Variants in RALGDS observed in about 807,000 individuals in gnomAD.
RALGDS encodes ral guanine nucleotide dissociation stimulator.
Under a neutral mutation model 99.8 loss-of-function variants are expected in RALGDS, and 44 were observed. That is an observed-to-expected ratio of 0.44 (90% CI 0.35 to 0.57). RALGDS has a LOEUF of 0.57. Ranked by LOEUF, RALGDS falls within the 20% of genes least tolerant of loss-of-function variation. The pLI is 0.01. For missense variants in RALGDS, 1,022 were observed against 1,203.1 expected (o/e 0.85, Z 2.23); for synonymous variants, 529 against 505.0 (o/e 1.05, Z -0.64).
intron 1 of RALGDS, 135 bp from the exon 2 acceptor site, chr9:133,112,287 G>T: frequency 2.9e-6 from 2 of 687,828 alleles, no homozygotes; most frequent in East Asian, 5.5e-5. Flanking sequence ...ACAGCCTGGG[G>T]TGGAATGAGA....
At chr9:133,107,554 C>T (rs1005751088) in intron 6 of RALGDS, among the ~76,000 whole-genome samples, 37 of 152,168 alleles carry the variant, frequency 2.4e-4, no homozygotes, top group African/African-American at 8.7e-4. Context: ...CCGCCTCAGT[C>T]TGCTCCCCAT....
chr9:133,118,641 C>T (rs1264381453), intron 1 of RALGDS, among the ~76,000 whole-genome samples: 1 of 152,218 alleles, frequency 6.6e-6, no homozygotes, highest in East Asian at 1.9e-4. Context: ...GGCTTGCTTC[C>T]TCCAGGTAGC....
chr9:133,139,111 G>A (rs1038871106), intron 1 of RALGDS, among the ~76,000 whole-genome samples: 25 of 152,160 alleles, frequency 1.6e-4, no homozygotes, highest in African/African-American at 5.6e-4. Context: ...GCACATGCAT[G>A]CTGCAGACAT....
At chr9:133,129,510 G>A in intron 1 of RALGDS, 1 of 1,276,438 alleles carries the variant, frequency 7.8e-7, no homozygotes, top group South Asian at 2.0e-5. Context: ...GGCCAGCCGA[G>A]GACGAGTGGA....
intron 1 of RALGDS, among the ~76,000 whole-genome samples, chr9:133,119,184 C>T (rs1056900130): frequency 3.3e-5 from 5 of 152,218 alleles, no homozygotes; most frequent in Non-Finnish European, 5.9e-5. Flanking sequence ...AAGGCAGAAA[C>T]TGTCTGGTGG....
At chr9:133,133,357 A>C (rs1355809060), upstream of RALGDS, among the ~76,000 whole-genome samples, 1 of 152,196 alleles carries the variant, frequency 6.6e-6, no homozygotes, top group Non-Finnish European at 1.5e-5. Flanking sequence ...AGGAGTCCCG[A>C]GGAGGTGGTG....
chr9:133,142,374 TG>T (rs1832538583), intron 1 of RALGDS, among the ~76,000 whole-genome samples: 1 of 152,026 alleles, frequency 6.6e-6, no homozygotes. Flanking sequence ...TGTGCGCTGG[TG>T]GGGGTTGGAA....
chr9:133,098,286 G>A lies in RALGDS; in HGVS notation c.*301C>T, dbSNP rs1830591777. 3 of 476,360 alleles carry A rather than the reference G, an allele frequency of 6.3e-6. No individual in the cohort carries two copies. Among genetic ancestry groups the A allele is most frequent in the South Asian group, 6.1e-5 (3 of 49,044 alleles). 29.5% of individuals were successfully genotyped at this position (476,360 alleles called of 1,614,324 possible). ...GGAAGGTGTCAGGGAAGTGTACAGA[G>A]GTGGCGCCCGGGGGCAGGCAGGGCA... On this transcript the variant is annotated 3_prime_UTR_variant, in exon 18 of 18. Transcript: ENST00000372050.
rs759508164 is a variant in RALGDS at position 133,112,091 on chromosome 9, C to G, written c.245G>C (p.Arg82Pro). 6 of 1,586,638 alleles carry G rather than the reference C, an allele frequency of 3.8e-6. No homozygotes were observed. The highest frequency in any genetic ancestry group is 5.1e-6 in the Non-Finnish European group (6 of 1,165,522). The change falls in exon 2 of 18, where the codon CGC becomes CCC. Residue 82 changes from arginine to proline, a missense_variant. Around this residue, in one of 3 missense-constraint regions of RALGDS, gnomAD observed 180 missense variants for 169.3 expected, o/e 1.06. Transcript: ENST00000372050. ...GCCTCCGTGGTGCAGCTGCACCTTG[C>G]GCAGGGAGATGGAGTAGATGACTCC... ...INGVIYSISLRKVQLHHGGNK... is the reference protein window; with the variant it reads ...INGVIYSISLPKVQLHHGGNK...
chr9:133,118,121 C>T (rs1831705831), intron 1 of RALGDS, among the ~76,000 whole-genome samples: 1 of 152,168 alleles, frequency 6.6e-6, no homozygotes, highest in African/African-American at 2.4e-5. Flanking sequence ...CCGAGTAGAG[C>T]AAGAGGGGAA....
chr9:133,116,029 C>T lies in RALGDS; in HGVS notation c.184-3877G>A, dbSNP rs972210223. On this transcript the variant is annotated intron_variant, in intron 1 of 17. Coordinates refer to ENST00000372050, the MANE Select transcript of RALGDS (RefSeq NM_006266.4). ...GGGGACCCATGCCCGAGGACAGGAG[C>T]CGGTGGGGCGTGTGCTGGCTGAGCC... Among the ~76,000 whole-genome samples, 3 of 152,264 alleles carry T rather than the reference C, an allele frequency of 2.0e-5. No homozygotes were observed. The East Asian group carries it at 5.8e-4, about 29-fold the overall frequency.
chr9:133,101,160 C>G, intron 16 of RALGDS: 1 of 1,192,198 alleles, frequency 8.4e-7, no homozygotes, highest in African/African-American at 1.6e-5. Flanking sequence ...CTGGTACCAG[C>G]CCACACCAGA....
chr9:133,108,907 TCC>T (rs769756240), intron 4 of RALGDS, 41 bp from the exon 5 acceptor site: 5 of 1,559,176 alleles, frequency 3.2e-6, no homozygotes, highest in African/African-American at 2.7e-5. Context: ...AGGCCTGGGC[TCC>T]CCTGAGCCAG....
At chr9:133,139,299 G>A (rs1236014205) in intron 1 of RALGDS, among the ~76,000 whole-genome samples, 1 of 152,228 alleles carries the variant, frequency 6.6e-6, no homozygotes, top group Non-Finnish European at 1.5e-5. Flanking sequence ...GCTGCGGAGA[G>A]GGGAGGAGGC....
At chr9:133,103,419 G>C (rs1002994816) in intron 11 of RALGDS, among the ~76,000 whole-genome samples, 157 bp from the exon 12 acceptor site, 1 of 152,272 alleles carries the variant, frequency 6.6e-6, no homozygotes, top group East Asian at 1.9e-4. Flanking sequence ...GGGGACATGC[G>C]GGCAGAGGCT....
At chr9:133,129,812 T>TC (rs370424511) in intron 1 of RALGDS, among the ~76,000 whole-genome samples, 73 of 62,040 alleles carry the variant, frequency 1.2e-3, no homozygotes, top group African/African-American at 2.9e-3. Context: ...CCTTTCTTCT[T>TC]TTTTTTTTTT....
intron 4 of RALGDS, among the ~76,000 whole-genome samples, 192 bp from the exon 5 acceptor site, chr9:133,109,058 C>T (rs541766395): frequency 1.3e-5 from 2 of 152,278 alleles, no homozygotes; most frequent in South Asian, 4.1e-4. Context: ...GAAGCCCCGC[C>T]CACAGCTCTG....
intron 1 of RALGDS, among the ~76,000 whole-genome samples, chr9:133,129,783 G>C (rs2119247176): frequency 6.6e-6 from 1 of 151,616 alleles, no homozygotes; most frequent in East Asian, 1.9e-4. Context: ...TCCATCCCTG[G>C]CACCCAGGCA....
At position 133,147,264 on chromosome 9, in the gene RALGDS, T is replaced by C. The variant is rs976973955; in HGVS notation, c.18+1699A>G. The stretch of plus-strand genomic sequence containing the variant: ...CTTTGTCTTCTGGTCACAGCACAGA[T>C]GTCCCCTTAGCGAGACCTCTCAGAT... On this transcript the variant is annotated intron_variant, in intron 1 of 17. Transcript: ENST00000393160. Among the ~76,000 whole-genome samples the C allele has an allele frequency of 6.6e-5, 10 of 152,320 alleles. No homozygotes were observed. In the East Asian group the frequency reaches 1.9e-3, roughly 29 times the overall value.
Sources: allele counts gnomAD v4.1 joint callset (sites outside exome capture counted in the v4.1 genomes callset), GRCh38; gene constraint gnomAD v4.1.1; regional missense constraint gnomAD v4.1.1; transcripts MANE v1.5; gene names NCBI Gene and HGNC (gene_info 2026-07-23, HGNC 2026-07-21).